The following LRFN2 variants were observed in gnomAD, a reference collection of about 807,000 sequenced individuals.
LRFN2 encodes leucine-rich repeat and fibronectin type-III domain-containing protein 2.
Under a neutral mutation model 37.3 loss-of-function variants are expected in LRFN2, and 18 were observed. That is an observed-to-expected ratio of 0.48 (90% CI 0.33 to 0.72). The LOEUF is 0.72. LRFN2 is among the 30% of genes least tolerant of loss of function. The probability of loss-of-function intolerance (pLI) is 0.02; values close to 1 mark genes in which losing one functional copy is unlikely to be tolerated. For synonymous variants in LRFN2, 556 were observed against 466.6 expected (o/e 1.19, Z -2.47); for missense variants, 1,006 against 1,060.7 (o/e 0.95, Z 0.72).
chr6:40,550,606 G>GGA (rs1766759323), intron 1 of LRFN2, among the ~76,000 whole-genome samples: 1 of 152,012 alleles, frequency 6.6e-6, no homozygotes, highest in Admixed American at 6.6e-5. Flanking sequence ...AAGGTACCGG[G>GGA]GACCACAGAC....
rs373082944 is a variant in LRFN2 at position 40,473,621 on chromosome 6, G to T, written c.-18-40490C>A. 1.4e-4 allele frequency among the ~76,000 whole-genome samples: 21 copies of T among 152,248 alleles called. No individual in the cohort carries two copies. In the East Asian group the frequency reaches 3.7e-3, roughly 27 times the overall value. ...TGGGATATATGTGCAGAACGTGCAG[G>T]TTTGTTACATAGGTATACATGTGCC... On this transcript the variant is annotated intron_variant, in intron 1 of 2. Coordinates refer to ENST00000338305, the MANE Select transcript of LRFN2 (RefSeq NM_020737.3).
intron 1 of LRFN2, among the ~76,000 whole-genome samples, chr6:40,510,135 T>C (rs73734512): frequency 0.038 from 4,885 of 127,296 alleles, 279 homozygotes; most frequent in African/African-American, 0.13. Context: ...GCGGGTATGC[T>C]AGGGAACACT....
At position 40,432,342 on chromosome 6, in the gene LRFN2, G is replaced by T. The variant is rs763563935; in HGVS notation, c.772C>A (p.Arg258=). 3.1e-6 allele frequency: 5 copies of T among 1,614,130 alleles called. No homozygotes were observed. Among genetic ancestry groups the T allele is most frequent in the East Asian group, 2.2e-5 (1 of 44,876 alleles). ...CCACAGGTTTCCAGGTCATCGTCCC[G>T]CTCGAGCCTCCGCAGCCAGAGAAGC... The part of the protein sequence containing the change: ...CELLWLRRLE[R]DDDLETCGSP... Residue 258 remains arginine, a synonymous_variant, in exon 2 of 3, where the codon CGG becomes AGG. Coordinates refer to ENST00000338305, the MANE Select transcript of LRFN2 (RefSeq NM_020737.3).
chr6:40,519,245 C>G (rs1221127002), intron 1 of LRFN2, among the ~76,000 whole-genome samples: 1 of 152,164 alleles, frequency 6.6e-6, no homozygotes, highest in Non-Finnish European at 1.5e-5. Context: ...TTCTAAATCT[C>G]ATAACAACCC....
chr6:40,437,933 G>C (rs1383842020), intron 1 of LRFN2, among the ~76,000 whole-genome samples: 1 of 152,184 alleles, frequency 6.6e-6, no homozygotes, highest in Admixed American at 6.5e-5. Flanking sequence ...TTAGGGAAAA[G>C]GGCTAGGACA....
intron 1 of LRFN2, among the ~76,000 whole-genome samples, chr6:40,462,380 T>C (rs1764366617): frequency 6.6e-6 from 1 of 152,168 alleles, no homozygotes; most frequent in African/African-American, 2.4e-5. Flanking sequence ...TGGCTTTGGC[T>C]GAAGATGCCT....
At chr6:40,534,091 G>T (rs1259293808) in intron 1 of LRFN2, among the ~76,000 whole-genome samples, 5 of 152,246 alleles carry the variant, frequency 3.3e-5, no homozygotes, top group Admixed American at 6.5e-5. Context: ...CAGGGACACA[G>T]CTGGTCAGTG....
chr6:40,487,283 G>A (rs1336369300), intron 1 of LRFN2, among the ~76,000 whole-genome samples: 1 of 152,126 alleles, frequency 6.6e-6, no homozygotes, highest in Non-Finnish European at 1.5e-5. Context: ...CCAGTTCTAT[G>A]GTGAGTAGAT....
intron 2 of LRFN2, among the ~76,000 whole-genome samples, chr6:40,398,801 T>C (rs1762667446): frequency 6.6e-6 from 1 of 151,932 alleles, no homozygotes; most frequent in African/African-American, 2.4e-5. Flanking sequence ...ATTGTTTTTC[T>C]TTTTCTTTCC....
At chr6:40,477,188 C>A (rs1237178107) in intron 1 of LRFN2, among the ~76,000 whole-genome samples, 1 of 152,190 alleles carries the variant, frequency 6.6e-6, no homozygotes, top group Non-Finnish European at 1.5e-5. Flanking sequence ...AAAGGCTCTT[C>A]AGGTGAGTCT....
In LRFN2 at chr6:40,392,109, C is replaced by A; in HGVS notation, c.2204G>T (p.Gly735Val). ...DMGDFAAAAAGGVVPGGYSPP... is the reference protein window; with the variant it reads ...DMGDFAAAAAVGVVPGGYSPP... ...ACTGTAGCCGCCCGGCACGACCCCT[C>A]CCGCCGCCGCAGCAGCAAAGTCCCC... Residue 735 changes from glycine (G) to valine (V), a missense_variant, in exon 3 of 3, where the codon GGA becomes GTA. By Grantham distance (109) the Gly-to-Val change is moderately radical. Coordinates refer to ENST00000338305, the MANE Select transcript of LRFN2 (RefSeq NM_020737.3). This position sits in a 1 kb window ranked among gnomAD's most constrained non-coding sequence, Gnocchi z 4.7. The A allele has an allele frequency of 6.2e-7, 1 of 1,613,278 alleles. No individual in the cohort carries two copies. Among genetic ancestry groups the A allele is most frequent in the East Asian group, 2.2e-5 (1 of 44,852 alleles).
chr6:40,548,373 G>A lies in LRFN2; in HGVS notation c.-19+38568C>T, dbSNP rs910517427. ...GAAGAATCACTTGAACCTGGGAGGC[G>A]GAGGTTGCAGTGAGCAGAGATCGTG... On this transcript the variant is annotated intron_variant, in intron 1 of 2. Transcript: ENST00000338305. Among the ~76,000 whole-genome samples, 7 of 151,962 alleles carry A rather than the reference G, an allele frequency of 4.6e-5. No individual in the cohort carries two copies. In the East Asian group the frequency reaches 9.6e-4, roughly 21 times the overall value.
chr6:40,409,674 G>A (rs772793769), intron 2 of LRFN2, among the ~76,000 whole-genome samples: 44 of 152,140 alleles, frequency 2.9e-4, no homozygotes, highest in Admixed American at 7.2e-4. Flanking sequence ...AACCTAAGAC[G>A]CACATCTACT....
chr6:40,552,182 C>T (rs1395196284), intron 1 of LRFN2, among the ~76,000 whole-genome samples: 1 of 152,238 alleles, frequency 6.6e-6, no homozygotes, highest in Non-Finnish European at 1.5e-5. Context: ...GAATTAGAAA[C>T]TCTGAAGTGA....
rs1763770452 is a variant in LRFN2 at position 40,439,170 on chromosome 6, C to G, written c.-18-6039G>C. On this transcript the variant is annotated intron_variant, in intron 1 of 2. Transcript: ENST00000338305. ...CACGATATATGTGATATCTCTGTACCCTGATTTCCATTTAAAAGATACCTT... is the reference window on the plus strand; with the variant it reads ...CACGATATATGTGATATCTCTGTACGCTGATTTCCATTTAAAAGATACCTT... Among the ~76,000 whole-genome samples the G allele has an allele frequency of 4.6e-5, 7 of 152,098 alleles. No individual in the cohort carries two copies. In the South Asian group the frequency reaches 1.2e-3, roughly 27 times the overall value.
chr6:40,576,406 G>A (rs1368983453), intron 1 of LRFN2, among the ~76,000 whole-genome samples: 1 of 152,286 alleles, frequency 6.6e-6, no homozygotes, highest in East Asian at 1.9e-4. Flanking sequence ...AAAGAGCAGC[G>A]AATCAATGTT....
At chr6:40,559,851 C>G (rs1037892651) in intron 1 of LRFN2, among the ~76,000 whole-genome samples, 1 of 152,180 alleles carries the variant, frequency 6.6e-6, no homozygotes, top group African/African-American at 2.4e-5. Flanking sequence ...ATTTCTCCTT[C>G]TCTGCCGTTC....
intron 1 of LRFN2, among the ~76,000 whole-genome samples, chr6:40,466,109 T>C (rs895814327): frequency 2.0e-5 from 3 of 152,176 alleles, no homozygotes; most frequent in East Asian, 1.9e-4. Flanking sequence ...GAGCACTTCT[T>C]TGGGGTCTGA....
chr6:40,500,643 T>C (rs1765356580), intron 1 of LRFN2, among the ~76,000 whole-genome samples: 2 of 152,202 alleles, frequency 1.3e-5, no homozygotes, highest in Non-Finnish European at 2.9e-5. Flanking sequence ...AAACTAAATG[T>C]CCAACCATCA....
Sources: allele counts gnomAD v4.1 joint callset (sites outside exome capture counted in the v4.1 genomes callset), GRCh38; gene constraint gnomAD v4.1.1; non-coding constraint Gnocchi (gnomAD v3.1); transcripts MANE v1.5; gene names NCBI Gene and HGNC (gene_info 2026-07-23, HGNC 2026-07-21).